PPP2R5E: variants seen among roughly 807,000 people sequenced by gnomAD.
The protein encoded by PPP2R5E is serine/threonine-protein phosphatase 2A 56 kDa regulatory subunit epsilon isoform.
Under a neutral mutation model 65.3 loss-of-function variants are expected in PPP2R5E, and 4 were observed. The ratio of observed to expected loss-of-function variants is 0.06; its 90% CI spans 0.03 to 0.14. The LOEUF is 0.14. PPP2R5E is among the 10% of genes least tolerant of loss of function. The pLI, the probability that PPP2R5E is intolerant of heterozygous loss-of-function variation, is 1.00. For missense variants in PPP2R5E, 274 were observed against 556.1 expected, an observed-to-expected ratio of 0.49 and a Z score of 5.10; for synonymous variants, 183 against 187.4, an observed-to-expected ratio of 0.98 and a Z score of 0.19.
At chr14:63,519,257 A>T (rs1892786727) in intron 2 of PPP2R5E, among the ~76,000 whole-genome samples, 1 of 152,044 alleles carries the variant, frequency 6.6e-6, no homozygotes, top group South Asian at 2.1e-4. Context: ...GGAAAATATT[A>T]TTCCTTATGA....
chr14:63,447,258 T>C (rs1254996866), intron 3 of PPP2R5E, among the ~76,000 whole-genome samples: 2 of 152,248 alleles, frequency 1.3e-5, no homozygotes, highest in African/African-American at 2.4e-5. Context: ...GGTTGTTTCA[T>C]CCACATTGAA....
At chr14:63,497,838 T>C (rs1891653943) in intron 2 of PPP2R5E, among the ~76,000 whole-genome samples, 1 of 152,114 alleles carries the variant, frequency 6.6e-6, no homozygotes, top group Non-Finnish European at 1.5e-5. Flanking sequence ...GGTAAATCAA[T>C]GATTAATGCA....
chr14:63,527,035 G>A (rs1191519830), intron 2 of PPP2R5E, among the ~76,000 whole-genome samples: 1 of 152,220 alleles, frequency 6.6e-6, no homozygotes, highest in Non-Finnish European at 1.5e-5. Flanking sequence ...CAGTTGTGGT[G>A]GCACATGCCT....
chr14:63,451,188 T>A (rs1418095947), intron 3 of PPP2R5E: 1 of 152,164 alleles, frequency 6.6e-6, no homozygotes, highest in Non-Finnish European at 1.5e-5. Flanking sequence ...TACCATACAA[T>A]ACATACAGCA....
chr14:63,497,028 C>T (rs1003206551), intron 2 of PPP2R5E, among the ~76,000 whole-genome samples: 8 of 152,052 alleles, frequency 5.3e-5, no homozygotes, highest in Admixed American at 5.2e-4. Flanking sequence ...CCCCTGCCCA[C>T]AGCTCTAGCC....
At position 63,543,344 on chromosome 14, in the gene PPP2R5E, C is replaced by T. The variant is rs1323648021; in HGVS notation, c.-573G>A. On this transcript the variant is annotated 5_prime_UTR_variant, in exon 1 of 14. It removes an upstream start codon present in the reference 5' UTR. Transcript: ENST00000337537. ...GTCAATATCACCGGGCGGCTGAGTC[C>T]ATGGCACACGCGCAACCGAACCTTC... 1 of 153,024 alleles carries T rather than the reference C, an allele frequency of 6.5e-6. No homozygotes were observed. Among genetic ancestry groups the T allele is most frequent in the Non-Finnish European group, 1.5e-5 (1 of 68,394 alleles). The allele number at this position is 153,024 out of a possible 1,614,324, so 9.5% of individuals were successfully genotyped here.
chr14:63,495,417 CAAA>C (rs772700927), intron 2 of PPP2R5E, among the ~76,000 whole-genome samples: 5 of 93,236 alleles, frequency 5.4e-5, no homozygotes, highest in African/African-American at 1.8e-4. Flanking sequence ...ACTAAAAATA[CAAA>C]AAAAAAAAAA....
intron 2 of PPP2R5E, 149 bp downstream of exon 2, chr14:63,539,380 T>C (rs191501411): frequency 4.3e-4 from 318 of 746,654 alleles, no homozygotes; most frequent in Non-Finnish European, 5.9e-4. Flanking sequence ...AGAGTGGGTA[T>C]ATTTGGTCAC....
chr14:63,453,545 T>C, intron 3 of PPP2R5E, 144 bp downstream of exon 3: 1 of 679,762 alleles, frequency 1.5e-6, no homozygotes. Context: ...TCTAGCACTG[T>C]GCCGACTACA....
chr14:63,495,898 C>A (rs1215974081), intron 2 of PPP2R5E, among the ~76,000 whole-genome samples: 1 of 151,942 alleles, frequency 6.6e-6, no homozygotes. Flanking sequence ...CCTATGTTGC[C>A]CGAGCTGGTC....
intron 3 of PPP2R5E, among the ~76,000 whole-genome samples, chr14:63,430,914 A>C (rs1452351062): frequency 1.3e-5 from 2 of 152,204 alleles, no homozygotes; most frequent in Non-Finnish European, 2.9e-5. Context: ...TATATGAATT[A>C]ACACAGCTAC....
At position 63,372,529 on chromosome 14, in the gene PPP2R5E, G is replaced by A. The variant is rs1192368388; in HGVS notation, c.*3480C>T. 6.6e-6 allele frequency: 1 copy of A among 151,766 alleles called. No individual in the cohort carries two copies. The highest frequency in any genetic ancestry group is 2.4e-5 in the African/African-American group (1 of 41,278). 9.4% of individuals were successfully genotyped at this position (151,766 alleles called of 1,614,324 possible). On this transcript the variant is annotated 3_prime_UTR_variant, in exon 14 of 14. Coordinates refer to ENST00000337537, the MANE Select transcript of PPP2R5E (RefSeq NM_006246.5). ...TCAAAAGAGAATCTCTTCATTTCCTGGGCCAGGTCAGTGCATCCAATTAAA... is the reference window on the plus strand; with the variant it reads ...TCAAAAGAGAATCTCTTCATTTCCTAGGCCAGGTCAGTGCATCCAATTAAA...
chr14:63,477,497 T>C (rs991861485), intron 2 of PPP2R5E, among the ~76,000 whole-genome samples: 1 of 150,304 alleles, frequency 6.7e-6, no homozygotes, highest in African/African-American at 2.4e-5. Flanking sequence ...AAGGTCATAA[T>C]GGCAATTAAA....
At chr14:63,492,468 G>A (rs1594936881) in intron 2 of PPP2R5E, among the ~76,000 whole-genome samples, 1 of 152,136 alleles carries the variant, frequency 6.6e-6, no homozygotes, top group East Asian at 1.9e-4. Flanking sequence ...TGTTATTATG[G>A]CTCTGAGGCC....
chr14:63,505,538 A>G (rs775227262), intron 2 of PPP2R5E, among the ~76,000 whole-genome samples: 16 of 152,216 alleles, frequency 1.1e-4, no homozygotes, highest in Non-Finnish European at 2.2e-4. Context: ...AAGCCCATGC[A>G]AGGAGGCTGA....
chr14:63,530,630 CTTTTTT>C (rs954359159), intron 2 of PPP2R5E, among the ~76,000 whole-genome samples: 1 of 81,292 alleles, frequency 1.2e-5, no homozygotes, highest in South Asian at 4.5e-4. Context: ...CTCTCAATTT[CTTTTTT>C]TTTTTTTTTT....
chr14:63,465,450 C>CAAAAAAAAAAAAAAAA (rs1171345415), intron 2 of PPP2R5E, among the ~76,000 whole-genome samples: 8 of 47,382 alleles, frequency 1.7e-4, no homozygotes, highest in African/African-American at 4.6e-4. Context: ...TCCACCTCTA[C>CAAAAAAAAAAAAAAAA]AAAAAAAAAA....
At chr14:63,467,249 A>C (rs944748645) in intron 2 of PPP2R5E, among the ~76,000 whole-genome samples, 1 of 150,798 alleles carries the variant, frequency 6.6e-6, no homozygotes, top group African/African-American at 2.5e-5. Context: ...CAAACAAAAA[A>C]AACACTATTT....
rs927753402 is a variant in PPP2R5E at position 63,374,971 on chromosome 14, T to G, written c.*1038A>C. The G allele has an allele frequency of 3.3e-5, 5 of 152,412 alleles. No homozygotes were observed. The highest frequency in any genetic ancestry group is 9.7e-5 in the African/African-American group (4 of 41,384). 9.4% of individuals were successfully genotyped at this position (152,412 alleles called of 1,614,324 possible). Reference sequence around the variant, plus strand: ...TACAAAAAACACTGTAACATGTTTGTTTTTTCCCAGAGGCTACATCCTCTT... The same window carrying G: ...TACAAAAAACACTGTAACATGTTTGGTTTTTCCCAGAGGCTACATCCTCTT... On this transcript the variant is annotated 3_prime_UTR_variant, in exon 14 of 14. Transcript: ENST00000337537.
Sources: allele counts gnomAD v4.1 joint callset (sites outside exome capture counted in the v4.1 genomes callset), GRCh38; gene constraint gnomAD v4.1.1; transcripts MANE v1.5; gene names NCBI Gene and HGNC (gene_info 2026-07-23, HGNC 2026-07-21).